Variants in RYR3 observed in about 807,000 individuals in gnomAD.
RYR3 encodes the protein ryanodine receptor 3.
A neutral mutation model predicts 584.3 loss-of-function variants in RYR3; 207 were observed. That is an observed-to-expected ratio of 0.35 (90% confidence interval 0.32 to 0.40). The LOEUF is 0.40. RYR3 is among the 10% of genes least tolerant of loss of function. The probability of loss-of-function intolerance (pLI) is 1.00; values close to 1 mark genes in which losing one functional copy is unlikely to be tolerated. For synonymous variants in RYR3, 2,416 were observed against 2,248.5 expected (o/e 1.07, Z -2.11); for missense variants, 5,616 against 6,089.2 (o/e 0.92, Z 2.59).
chr15:33,524,923 G>A (rs1398941333), intron 3 of RYR3, among the ~76,000 whole-genome samples: 1 of 151,998 alleles, frequency 6.6e-6, no homozygotes. Context: ...ATTAAATGTT[G>A]GTGTTTCCAT....
chr15:33,761,153 G>T lies in RYR3; in HGVS notation c.8705+3557G>T, dbSNP rs540922498. Among the ~76,000 whole-genome samples, 45 of 152,288 alleles carry T rather than the reference G, an allele frequency of 3.0e-4. No individual in the cohort carries two copies. The South Asian group carries it at 3.9e-3, about 13-fold the overall frequency. Reference sequence around the variant, plus strand: ...AATGCCCACAGGAGAAAGCAGGAAAGATCTAAAATTGACACCCTAACATCA... The same window carrying T: ...AATGCCCACAGGAGAAAGCAGGAAATATCTAAAATTGACACCCTAACATCA... On this transcript the variant is annotated intron_variant, in intron 60 of 103. Coordinates refer to ENST00000634891, the MANE Select transcript of RYR3 (RefSeq NM_001036.6).
At chr15:33,823,153 A>C in intron 81 of RYR3, 81 bp downstream of exon 81, 1 of 1,132,930 alleles carries the variant, frequency 8.8e-7, no homozygotes, top group Non-Finnish European at 1.3e-6. Context: ...AGCACAAAAT[A>C]TACTGGCCTA....
At chr15:33,770,860 A>G (rs1037059048) in intron 62 of RYR3, among the ~76,000 whole-genome samples, 2 of 152,240 alleles carry the variant, frequency 1.3e-5, no homozygotes, top group Admixed American at 1.3e-4. Context: ...GATGTAGATA[A>G]AAAGCATCTG....
At chr15:33,689,366 TA>T (rs74435971) in intron 38 of RYR3, among the ~76,000 whole-genome samples, 1 of 151,674 alleles carries the variant, frequency 6.6e-6, no homozygotes, top group Non-Finnish European at 1.5e-5. Context: ...AACTTAAATT[TA>T]AAAAAAAAAT....
rs1414118993 is a variant in RYR3, at chr15:33,838,530, C to T, written c.12550C>T (p.Leu4184Phe). The T allele has an allele frequency of 3.7e-6, 6 of 1,613,958 alleles. No homozygotes were observed. In the Middle Eastern group the frequency reaches 6.6e-4, roughly 177 times the overall value. ...GACTGCGAAGGAGCTGGTGAAGGTG[C>T]TCTTCTCCTTTTTCTGGATGCTGTT... ...KMTAKELVKVLFSFFWMLFVG... is the reference protein window; with the variant it reads ...KMTAKELVKVFFSFFWMLFVG... Residue 4184 changes from leucine (L) to phenylalanine (F), a missense_variant, in exon 89 of 104, where the codon CTC becomes TTC. By Grantham distance (22) the Leu-to-Phe change is conservative. Around this residue, in one of 9 missense-constraint regions of RYR3, gnomAD observed 918 missense variants for 887.4 expected, o/e 1.03. Transcript: ENST00000634891.
At chr15:33,432,125 T>C (rs2045212053) in intron 1 of RYR3, among the ~76,000 whole-genome samples, 1 of 152,152 alleles carries the variant, frequency 6.6e-6, no homozygotes, top group Non-Finnish European at 1.5e-5. Flanking sequence ...CAGTTTTGGA[T>C]GAAAATAAAT....
intron 1 of RYR3, among the ~76,000 whole-genome samples, chr15:33,417,671 T>C (rs537336332): frequency 6.6e-6 from 1 of 152,258 alleles, no homozygotes; most frequent in Non-Finnish European, 1.5e-5. Context: ...CGTATGCCTT[T>C]TATTTATTTC....
At chr15:33,620,299 G>A (rs1179043957) in intron 19 of RYR3, among the ~76,000 whole-genome samples, 12 of 152,102 alleles carry the variant, frequency 7.9e-5, no homozygotes, top group Non-Finnish European at 1.5e-5. Context: ...GTGGTTTCTT[G>A]AAACCCTTAT....
chr15:33,702,914 C>G (rs150041354), intron 42 of RYR3, among the ~76,000 whole-genome samples: 1 of 151,936 alleles, frequency 6.6e-6, no homozygotes, highest in Non-Finnish European at 1.5e-5. Context: ...TTTTTTTCTT[C>G]GTGTCGCATA....
chr15:33,490,143 T>C (rs2050845091), intron 2 of RYR3, among the ~76,000 whole-genome samples: 1 of 152,248 alleles, frequency 6.6e-6, no homozygotes, highest in Non-Finnish European at 1.5e-5. Flanking sequence ...TACAAAGTGT[T>C]CCTAACTCAA....
intron 1 of RYR3, among the ~76,000 whole-genome samples, chr15:33,428,712 A>G (rs1443117116): frequency 1.5e-5 from 2 of 130,146 alleles, no homozygotes; most frequent in Admixed American, 8.0e-5. Context: ...GTCAGACCCA[A>G]TTAAGTTAGA....
chr15:33,488,466 C>A (rs1297228582), intron 2 of RYR3, among the ~76,000 whole-genome samples: 1 of 62,264 alleles, frequency 1.6e-5, no homozygotes, highest in African/African-American at 6.0e-5. Flanking sequence ...TTTTTTTTTT[C>A]TGTGATTAGA....
intron 2 of RYR3, among the ~76,000 whole-genome samples, chr15:33,480,466 C>T (rs1596315299): frequency 6.6e-6 from 1 of 152,148 alleles, no homozygotes; most frequent in African/African-American, 2.4e-5. Flanking sequence ...ATATTAGGTC[C>T]TCAGAAAATG....
chr15:33,702,063 C>T (rs1286943608), intron 42 of RYR3, among the ~76,000 whole-genome samples: 1 of 152,134 alleles, frequency 6.6e-6, no homozygotes, highest in South Asian at 2.1e-4. Flanking sequence ...ACCCTCAGAC[C>T]AAGCCCTTTC....
intron 27 of RYR3, among the ~76,000 whole-genome samples, chr15:33,640,695 T>C (rs1015345516): frequency 6.6e-6 from 1 of 152,026 alleles, no homozygotes; most frequent in Non-Finnish European, 1.5e-5. Context: ...GAACTGGGGG[T>C]CCTGTACAAA....
chr15:33,861,402 AT>A, intron 102 of RYR3, among the ~76,000 whole-genome samples: 1 of 151,930 alleles, frequency 6.6e-6, no homozygotes, highest in Non-Finnish European at 1.5e-5. Context: ...TCAACCTGTG[AT>A]TGGATTCCAT....
chr15:33,722,538 A>G (rs946663754), intron 43 of RYR3, 177 bp from the exon 44 acceptor site: 15 of 626,170 alleles, frequency 2.4e-5, no homozygotes, highest in East Asian at 5.7e-5. Flanking sequence ...ACTGACCACA[A>G]TCAGTTACAG....
chr15:33,585,000 G>A (rs148601746), intron 15 of RYR3, among the ~76,000 whole-genome samples: 14 of 152,086 alleles, frequency 9.2e-5, no homozygotes, highest in Middle Eastern at 6.8e-3. Flanking sequence ...CATGACTTAC[G>A]GAGAATCTGA....
intron 42 of RYR3, among the ~76,000 whole-genome samples, chr15:33,704,140 G>A (rs1596245821): frequency 6.6e-6 from 1 of 152,028 alleles, no homozygotes; most frequent in African/African-American, 2.4e-5. Flanking sequence ...CAGGCATGGT[G>A]GTTGGTGCCT....
Sources: gnomAD v4.1 joint callset for allele counts (sites outside exome capture counted in the v4.1 genomes callset) on GRCh38, gnomAD v4.1.1 for gene constraint, gnomAD v4.1.1 regional missense constraint, MANE v1.5 for transcripts, NCBI Gene and HGNC (gene_info 2026-07-23, HGNC 2026-07-21) for gene names.